The following FRMD4B variants were observed in gnomAD, a reference collection of about 807,000 sequenced individuals.
FRMD4B encodes the protein FERM domain containing 4B, also known as FERM domain-containing protein 4B.
A neutral mutation model predicts 141.5 loss-of-function variants in FRMD4B; 74 were observed. That is an observed-to-expected ratio of 0.52 (90% CI 0.43 to 0.63). The LOEUF is 0.63. Among genes scored for constraint, FRMD4B ranks in the 30% least tolerant of loss-of-function variants. The pLI is 0.00. For missense variants in FRMD4B, 1,366 were observed against 1,253.4 expected (o/e 1.09, Z -1.36); for synonymous variants, 506 against 467.9 (o/e 1.08, Z -1.05).
At chr3:69,401,062 A>C (rs539892005) in intron 2 of FRMD4B, among the ~76,000 whole-genome samples, 2 of 152,372 alleles carry the variant, frequency 1.3e-5, no homozygotes, top group South Asian at 2.1e-4. Flanking sequence ...AAGATAAATA[A>C]TTAAAATAAA....
intron 11 of FRMD4B, among the ~76,000 whole-genome samples, chr3:69,212,880 A>G (rs1407432350): frequency 6.6e-6 from 1 of 152,196 alleles, no homozygotes; most frequent in Non-Finnish European, 1.5e-5. Context: ...TAGCAAAAAA[A>G]TCTCAATACA....
At chr3:69,250,628 A>C in intron 5 of FRMD4B, among the ~76,000 whole-genome samples, 1 of 152,140 alleles carries the variant, frequency 6.6e-6, no homozygotes, top group East Asian at 1.9e-4. Context: ...TTACAGATAA[A>C]ATGTGAGGCC....
At chr3:69,192,592 A>G (rs554051628) in intron 17 of FRMD4B, among the ~76,000 whole-genome samples, 2 of 152,218 alleles carry the variant, frequency 1.3e-5, no homozygotes, top group South Asian at 4.1e-4. Flanking sequence ...AATGAAAGTC[A>G]TAAATACATA....
At chr3:69,464,481 T>C (rs192693187) in intron 1 of FRMD4B, among the ~76,000 whole-genome samples, 9 of 152,208 alleles carry the variant, frequency 5.9e-5, no homozygotes, top group Admixed American at 5.2e-4. Flanking sequence ...TTTTTCTTTC[T>C]TCTTTTCTCT....
intron 1 of FRMD4B, among the ~76,000 whole-genome samples, chr3:69,384,526 A>G (rs1336540064): frequency 1.3e-5 from 2 of 152,260 alleles, no homozygotes; most frequent in African/African-American, 4.8e-5. Context: ...TTCTGGCTCC[A>G]AAAAGCCAGA....
chr3:69,303,596 TAATC>T (rs1207887833), intron 3 of FRMD4B, among the ~76,000 whole-genome samples: 4 of 152,190 alleles, frequency 2.6e-5, no homozygotes, highest in African/African-American at 7.2e-5. Context: ...ATATTTTAGA[TAATC>T]AAGAAGGAGA....
Position 69,182,586 on chromosome 3 carries a change from A to G in FRMD4B, c.2039+12T>C. On this transcript the variant is annotated intron_variant, in intron 20 of 22. Coordinates refer to ENST00000398540, the MANE Select transcript of FRMD4B (RefSeq NM_015123.3). ...CAAGACAGCTAAAGCAATGAGAAAGAAGCTCTCTTACTCCAAGTGGCTGCT... is the reference window on the plus strand; with the variant it reads ...CAAGACAGCTAAAGCAATGAGAAAGGAGCTCTCTTACTCCAAGTGGCTGCT... 1 of 1,592,556 alleles carries G rather than the reference A, an allele frequency of 6.3e-7. No individual in the cohort carries two copies. The highest frequency in any genetic ancestry group is 8.5e-7 in the Non-Finnish European group (1 of 1,173,370).
chr3:69,193,628 A>C lies in FRMD4B; in HGVS notation c.1714+20T>G. 6.7e-7 allele frequency: 1 copy of C among 1,498,614 alleles called. No homozygotes were observed. Among genetic ancestry groups the C allele is most frequent in the Non-Finnish European group, 9.2e-7 (1 of 1,085,130 alleles). The allele number at this position is 1,498,614 out of a possible 1,614,324, so 92.8% of individuals were successfully genotyped here. A position where few individuals can be genotyped will look rare whatever the true frequency, so the allele number is the denominator to read the frequency against. The stretch of plus-strand genomic sequence containing the variant: ...TACTGAGTAGGGGACTCAAAAAAAA[A>C]AACCTTACTTATTACTAACCTGGTA... On this transcript the variant is annotated intron_variant, in intron 17 of 22. Coordinates refer to ENST00000398540, the MANE Select transcript of FRMD4B (RefSeq NM_015123.3).
intron 1 of FRMD4B, among the ~76,000 whole-genome samples, chr3:69,513,054 T>C (rs1022374335): frequency 2.7e-5 from 4 of 150,884 alleles, no homozygotes; most frequent in Non-Finnish European, 4.4e-5. Context: ...AGGAAGGAAA[T>C]AATAAAGATT....
rs2093273062 is a variant in FRMD4B at position 69,228,236 on chromosome 3, T to C, written c.582-3546A>G. ...GATTGAGAAACCCTGCCTTCAATGA[T>C]AAGAATCCTGAAAATTCTACACTAA... On this transcript the variant is annotated intron_variant, in intron 7 of 22. Transcript: ENST00000398540. The C allele has an allele frequency of 6.9e-6, 3 of 431,760 alleles. No individual in the cohort carries two copies. In the Admixed American group the frequency reaches 7.7e-5, roughly 11 times the overall value. The allele number at this position is 431,760 out of a possible 1,614,324, so 26.7% of individuals were successfully genotyped here. A position where few individuals can be genotyped will look rare whatever the true frequency, so the allele number is the denominator to read the frequency against.
At chr3:69,455,523 C>A (rs551343352) in intron 1 of FRMD4B, among the ~76,000 whole-genome samples, 3 of 152,096 alleles carry the variant, frequency 2.0e-5, no homozygotes, top group South Asian at 2.1e-4. Flanking sequence ...CTGAAGCCAG[C>A]GAGACCATTA....
At chr3:69,322,920 A>G in intron 1 of FRMD4B, 1 of 298,688 alleles carries the variant, frequency 3.3e-6, no homozygotes, top group African/African-American at 2.3e-5. Context: ...ACCAAACTGA[A>G]GTGCACAGAG....
intron 1 of FRMD4B, among the ~76,000 whole-genome samples, chr3:69,337,697 C>T (rs1702602393): frequency 6.6e-6 from 1 of 152,170 alleles, no homozygotes; most frequent in Non-Finnish European, 1.5e-5. Flanking sequence ...CCAAAAGACC[C>T]ATGAAAGAAT....
chr3:69,267,981 C>T (rs1208779273), intron 5 of FRMD4B, among the ~76,000 whole-genome samples: 1 of 151,786 alleles, frequency 6.6e-6, no homozygotes, highest in African/African-American at 2.4e-5. Flanking sequence ...AAAAACTAAA[C>T]CTTTTGATGA....
rs534569040 is a variant in FRMD4B, at chr3:69,462,346, CCT to C, written c.-128-29587_-128-29586del. ...TTGAGGGTCACTCCTGGAAATGTTC[CCT>C]CTCTTTCCCTGATGTCTGGCCTGTC... is the stretch of plus-strand genomic sequence containing the variant. On this transcript the variant is annotated intron_variant, in intron 1 of 5. Transcript: ENST00000459638. Among the ~76,000 whole-genome samples, 45 of 152,260 alleles carry C rather than the reference CCT, an allele frequency of 3.0e-4. No individual in the cohort carries two copies. In the South Asian group the frequency reaches 9.1e-3, roughly 31 times the overall value.
At chr3:69,201,299 A>G (rs1192173709) in intron 11 of FRMD4B, among the ~76,000 whole-genome samples, 2 of 152,224 alleles carry the variant, frequency 1.3e-5, no homozygotes, top group African/African-American at 4.8e-5. Context: ...GTTGTATAGA[A>G]ACTTGAATAT....
chr3:69,387,631 A>G (rs1299910382), upstream of FRMD4B, among the ~76,000 whole-genome samples: 1 of 152,212 alleles, frequency 6.6e-6, no homozygotes, highest in Admixed American at 6.5e-5. Flanking sequence ...AGACTCCAGA[A>G]CAGATTATCG....
chr3:69,501,772 C>G (rs957144488), intron 1 of FRMD4B, among the ~76,000 whole-genome samples: 2 of 152,128 alleles, frequency 1.3e-5, no homozygotes, highest in Non-Finnish European at 2.9e-5. Flanking sequence ...GATTGTATAT[C>G]TAGAAAACCC....
At chr3:69,242,855 G>T (rs955676890) in intron 7 of FRMD4B, among the ~76,000 whole-genome samples, 1 of 151,758 alleles carries the variant, frequency 6.6e-6, no homozygotes, top group Admixed American at 6.6e-5. Flanking sequence ...TTAGCCGGGC[G>T]TGGTGGTGGG....
Sources: allele counts gnomAD v4.1 joint callset (sites outside exome capture counted in the v4.1 genomes callset), GRCh38; gene constraint gnomAD v4.1.1; transcripts MANE v1.5; gene names NCBI Gene and HGNC (gene_info 2026-07-23, HGNC 2026-07-21).